ZNF561: variants seen among roughly 807,000 people sequenced by gnomAD.
ZNF561 encodes zinc finger protein 561.
In ZNF561, 16 loss-of-function variants were observed where a neutral mutation model predicts 16.7. The observed-to-expected ratio is 0.96, with a 90% CI of 0.65 to 1.45. The LOEUF is 1.45. Among genes scored for constraint, ZNF561 ranks in the 40% most tolerant of loss-of-function variants. The pLI is 0.00. For missense variants in ZNF561, 580 were observed against 578.0 expected (o/e 1.00, Z -0.04); for synonymous variants, 190 against 192.1 (o/e 0.99, Z 0.09).
In ZNF561 at chr19:9,617,172, CTA is replaced by C. The variant is rs954138540; in HGVS notation, c.115-3_115-2del. ...CCACATCATCAAACGTCACTGAATC[CTA>C]TGTCATCATACACATGCTGGTTTGA... On this transcript the variant is annotated splice_acceptor_variant and splice_polypyrimidine_tract_variant and intron_variant, in intron 3 of 5. Coordinates refer to ENST00000302851, the MANE Select transcript of ZNF561 (RefSeq NM_152289.3). LOFTEE classifies it high-confidence loss of function. 2 of 1,611,872 alleles carry C rather than the reference CTA, an allele frequency of 1.2e-6. No homozygotes were observed. The highest frequency in any genetic ancestry group is 2.7e-5 in the African/African-American group (2 of 74,866).
intron 4 of ZNF561, among the ~76,000 whole-genome samples, chr19:9,614,477 G>A (rs1037997091): frequency 1.3e-5 from 2 of 152,062 alleles, no homozygotes; most frequent in Non-Finnish European, 2.9e-5. Flanking sequence ...GCATGGTGGC[G>A]CATGCCTATA....
At chr19:9,621,045 A>G (rs1413280683) in intron 1 of ZNF561, 117 bp downstream of exon 1, 1 of 152,390 alleles carries the variant, frequency 6.6e-6, no homozygotes, top group Non-Finnish European at 1.5e-5. Flanking sequence ...GAGGACTGAT[A>G]GTCCCTGGAG....
chr19:9,617,238 T>A, intron 3 of ZNF561, 67 bp from the exon 4 acceptor site: 1 of 1,560,426 alleles, frequency 6.4e-7, no homozygotes, highest in Non-Finnish European at 8.7e-7. Flanking sequence ...TGGAGAATGA[T>A]GAAGGGGAAC....
intron 4 of ZNF561, among the ~76,000 whole-genome samples, chr19:9,615,854 A>G (rs1169929314): frequency 1.3e-5 from 2 of 151,860 alleles, no homozygotes; most frequent in Non-Finnish European, 2.9e-5. Context: ...GCACCATTAC[A>G]CTCTAGCCTG....
At chr19:9,612,440 G>A (rs553210479) in intron 5 of ZNF561, among the ~76,000 whole-genome samples, 1 of 152,130 alleles carries the variant, frequency 6.6e-6, no homozygotes, top group South Asian at 2.1e-4. Context: ...GGCTGGTCTT[G>A]AACTGCTGAC....
At chr19:9,617,669 G>A in intron 3 of ZNF561, 1 of 457,242 alleles carries the variant, frequency 2.2e-6, no homozygotes, top group South Asian at 1.5e-5. Flanking sequence ...ACTGCACACT[G>A]CTTACGCTTG....
chr19:9,615,504 G>A (rs899198009), intron 4 of ZNF561, among the ~76,000 whole-genome samples: 1 of 152,034 alleles, frequency 6.6e-6, no homozygotes, highest in Non-Finnish European at 1.5e-5. Flanking sequence ...GGCTGAGGCA[G>A]GAGAATCACC....
At position 9,611,176 on chromosome 19, in the gene ZNF561, G is replaced by C. The variant is rs1273154242; in HGVS notation, c.485C>G (p.Ala162Gly). 2 of 1,613,814 alleles carry C rather than the reference G, an allele frequency of 1.2e-6. No homozygotes were observed. The highest frequency in any genetic ancestry group is 2.7e-5 in the African/African-American group (2 of 74,920). ...GKDTLSVHKE[A>G]STGQELSKFN... ...TTTGGAAAGTTCCTGTCCAGTAGAG[G>C]CTTCCTTGTGCACACTGAGGGTGTC... Residue 162 changes from alanine to glycine, a missense_variant, in exon 6 of 6, where the codon GCC becomes GGC. Coordinates refer to ENST00000302851, the MANE Select transcript of ZNF561 (RefSeq NM_152289.3).
At chr19:9,619,299 G>C in intron 2 of ZNF561, 133 bp downstream of exon 2, 2 of 637,938 alleles carry the variant, frequency 3.1e-6, no homozygotes, top group South Asian at 5.3e-5. Context: ...ACAGCATTCT[G>C]TTCTGTGGTT....
chr19:9,618,415 G>A (rs1233019817), intron 2 of ZNF561, among the ~76,000 whole-genome samples: 1 of 152,120 alleles, frequency 6.6e-6, no homozygotes, highest in Non-Finnish European at 1.5e-5. Context: ...ATTTTTCAAG[G>A]AAACTTACAC....
chr19:9,615,061 A>G (rs2074530420), intron 4 of ZNF561, among the ~76,000 whole-genome samples: 1 of 151,942 alleles, frequency 6.6e-6, no homozygotes, highest in East Asian at 2.0e-4. Context: ...ACTGGTCTCA[A>G]ACTCCTGGCC....
At chr19:9,612,221 C>T (rs933149239) in intron 5 of ZNF561, among the ~76,000 whole-genome samples, 1 of 151,868 alleles carries the variant, frequency 6.6e-6, no homozygotes, top group South Asian at 2.1e-4. Context: ...AGCCACCATG[C>T]CCCACCTCAG....
chr19:9,620,183 A>G (rs2074644587), intron 1 of ZNF561, among the ~76,000 whole-genome samples: 1 of 152,166 alleles, frequency 6.6e-6, no homozygotes, highest in African/African-American at 2.4e-5. Flanking sequence ...TCTGCCTCCC[A>G]GGTGCAAGCG....
intron 1 of ZNF561, chr19:9,620,847 AGC>A (rs2074660542): frequency 6.6e-6 from 1 of 152,366 alleles, no homozygotes; most frequent in Admixed American, 6.5e-5. Context: ...GTTCAAGACC[AGC>A]CTGGCCAACA....
In ZNF561 at chr19:9,609,578, C is replaced by G. The variant is rs2074408931; in HGVS notation, c.*622G>C. The G allele has an allele frequency of 6.6e-6, 1 of 152,210 alleles. No homozygotes were observed. Among genetic ancestry groups the G allele is most frequent in the Non-Finnish European group, 1.5e-5 (1 of 68,094 alleles). The allele number at this position is 152,210 out of a possible 1,614,324, so 9.4% of individuals were successfully genotyped here. On this transcript the variant is annotated 3_prime_UTR_variant, in exon 6 of 6. Coordinates refer to ENST00000302851, the MANE Select transcript of ZNF561 (RefSeq NM_152289.3). ...TCATGGACTATATCAGCCACCTTGA[C>G]AGAAGTGAGAAGAGAGACTGGATTA... is the stretch of plus-strand genomic sequence containing the variant.
chr19:9,612,231 GTTTA>G (rs971926874), intron 5 of ZNF561, among the ~76,000 whole-genome samples: 4 of 150,624 alleles, frequency 2.7e-5, no homozygotes, highest in Admixed American at 1.3e-4. Flanking sequence ...CCCCACCTCA[GTTTA>G]TTTATTTTTG....
At chr19:9,618,385 G>C (rs1449715115) in intron 2 of ZNF561, among the ~76,000 whole-genome samples, 4 of 152,128 alleles carry the variant, frequency 2.6e-5, no homozygotes. Context: ...ACTGCCTGTT[G>C]GGTAAAGGGT....
At chr19:9,613,937 C>A in intron 5 of ZNF561, 84 bp downstream of exon 5, 1 of 1,538,434 alleles carries the variant, frequency 6.5e-7, no homozygotes, top group Non-Finnish European at 9.0e-7. Context: ...GTAAGCCACA[C>A]CTCTGACTGA....
In ZNF561 at chr19:9,608,965, T is replaced by C. The variant is rs571543375; in HGVS notation, c.*1235A>G. 12 of 152,226 alleles carry C rather than the reference T, an allele frequency of 7.9e-5. No homozygotes were observed. In the East Asian group the frequency reaches 1.7e-3, roughly 22 times the overall value. The allele number at this position is 152,226 out of a possible 1,614,324, so 9.4% of individuals were successfully genotyped here. On this transcript the variant is annotated 3_prime_UTR_variant, in exon 6 of 6. Coordinates refer to ENST00000302851, the MANE Select transcript of ZNF561 (RefSeq NM_152289.3). ...ACAAAATCTCTGCGGCACTGTGACA[T>C]GCTCGTGATGGCTATGACACCCATG...
Sources: gnomAD v4.1 joint callset for allele counts (sites outside exome capture counted in the v4.1 genomes callset) on GRCh38, gnomAD v4.1.1 for gene constraint, MANE v1.5 for transcripts, NCBI Gene and HGNC (gene_info 2026-07-23, HGNC 2026-07-21) for gene names.